PPP2R2C: variants seen among roughly 807,000 people sequenced by gnomAD.
The protein encoded by PPP2R2C is protein phosphatase 2, regulatory subunit B, gamma.
A neutral mutation model predicts 45.3 loss-of-function variants in PPP2R2C; 10 were observed. That is an observed-to-expected ratio of 0.22 (90% CI 0.14 to 0.37). The LOEUF is 0.37. Among genes scored for constraint, PPP2R2C ranks in the 10% least tolerant of loss-of-function variants. The pLI, the probability that PPP2R2C is intolerant of heterozygous loss-of-function variation, is 1.00. For synonymous variants in PPP2R2C, 257 were observed against 245.4 expected (o/e 1.05, Z -0.44); for missense variants, 308 against 619.7 (o/e 0.50, Z 5.34).
At chr4:6,501,545 A>G (rs556257132) in intron 2 of PPP2R2C, among the ~76,000 whole-genome samples, 1 of 152,356 alleles carries the variant, frequency 6.6e-6, no homozygotes, top group Admixed American at 6.5e-5. Context: ...AGGTTGATGC[A>G]CATTAGCACC....
chr4:6,452,910 C>T (rs1417059897), intron 1 of PPP2R2C, among the ~76,000 whole-genome samples: 1 of 152,226 alleles, frequency 6.6e-6, no homozygotes, highest in African/African-American at 2.4e-5. Context: ...CTACTGCCTA[C>T]TGTCTAGAAG....
intron 2 of PPP2R2C, among the ~76,000 whole-genome samples, chr4:6,488,511 C>G (rs1051752202): frequency 6.6e-6 from 1 of 151,936 alleles, no homozygotes; most frequent in Non-Finnish European, 1.5e-5. Flanking sequence ...TAGTGAGAAC[C>G]TGTCTCTACA....
intron 5 of PPP2R2C, chr4:6,350,460 GAC>G: frequency 1.0e-6 from 1 of 985,462 alleles, no homozygotes; most frequent in Non-Finnish European, 1.2e-6. Context: ...CACACCCTGA[GAC>G]ACACAAAAGC....
intron 1 of PPP2R2C, among the ~76,000 whole-genome samples, chr4:6,557,221 T>A (rs1219707818): frequency 6.6e-6 from 1 of 152,112 alleles, no homozygotes; most frequent in Non-Finnish European, 1.5e-5. Context: ...GACATTAGAA[T>A]CTGGGAAGAA....
Position 6,321,136 on chromosome 4 carries a change from C to G in PPP2R2C, c.*2166G>C, listed in dbSNP as rs1731527706. 6.6e-6 allele frequency: 1 copy of G among 152,138 alleles called. No individual in the cohort carries two copies. The highest frequency in any genetic ancestry group is 2.4e-5 in the African/African-American group (1 of 41,438). 9.4% of individuals were successfully genotyped at this position (152,138 alleles called of 1,614,324 possible). A position where few individuals can be genotyped will look rare whatever the true frequency, so the allele number is the denominator to read the frequency against. On this transcript the variant is annotated 3_prime_UTR_variant, in exon 9 of 9. Coordinates refer to ENST00000382599, the MANE Select transcript of PPP2R2C (RefSeq NM_020416.4). ...AAGGAACTAGGAACTGTATTAAGAC[C>G]TCCTTTTGAAGGACATGTAAGATTT... is the stretch of plus-strand genomic sequence containing the variant.
chr4:6,373,889 G>A (rs1715078386), intron 4 of PPP2R2C, among the ~76,000 whole-genome samples: 1 of 145,640 alleles, frequency 6.9e-6, no homozygotes, highest in African/African-American at 2.6e-5. Context: ...GAGTATACGT[G>A]TATGTGCATG....
At chr4:6,361,492 G>A (rs1277265303) in intron 5 of PPP2R2C, among the ~76,000 whole-genome samples, 5 of 152,232 alleles carry the variant, frequency 3.3e-5, no homozygotes, top group Non-Finnish European at 7.3e-5. Context: ...TCTGTAGAAT[G>A]GGTTGATAAC....
chr4:6,398,968 C>T (rs192021929), intron 1 of PPP2R2C, among the ~76,000 whole-genome samples: 1 of 152,194 alleles, frequency 6.6e-6, no homozygotes, highest in African/African-American at 2.4e-5. Context: ...AATACCCACA[C>T]TGAGTGAAAG....
At position 6,511,513 on chromosome 4, in the gene PPP2R2C, G is replaced by A. The variant is rs1267514303; in HGVS notation, c.49+23758C>T. 2.7e-3 allele frequency among the ~76,000 whole-genome samples: 77 copies of A among 28,018 alleles called. 5 individuals are homozygous for A. Among genetic ancestry groups the A allele is most frequent in the African/African-American group, 5.4e-3 (53 of 9,802 alleles). The allele number at this position is 28,018 out of a possible 152,430, so 18.4% of individuals were successfully genotyped here. A position where few individuals can be genotyped will look rare whatever the true frequency, so the allele number is the denominator to read the frequency against. ...GGTGGTGATGGCGGTGATGGTGGTGGTGGTGGTGGTGATGGTGGTGGTGGT... is the reference window on the plus strand; with the variant it reads ...GGTGGTGATGGCGGTGATGGTGGTGATGGTGGTGGTGATGGTGGTGGTGGT... On this transcript the variant is annotated intron_variant, in intron 2 of 9. Coordinates refer to the PPP2R2C transcript ENST00000506140.
intron 1 of PPP2R2C, among the ~76,000 whole-genome samples, chr4:6,456,760 G>T (rs1275713754): frequency 6.6e-6 from 1 of 152,222 alleles, no homozygotes; most frequent in African/African-American, 2.4e-5. Flanking sequence ...TTCTTGAGCT[G>T]CCGCCTTTAA....
intron 2 of PPP2R2C, among the ~76,000 whole-genome samples, chr4:6,499,615 T>C (rs1392473740): frequency 6.6e-6 from 1 of 152,110 alleles, no homozygotes; most frequent in Non-Finnish European, 1.5e-5. Context: ...GCCTAATGGG[T>C]CATCTAGGGT....
Position 6,555,978 on chromosome 4 carries a change from T to C in PPP2R2C, c.-59+7582A>G, listed in dbSNP as rs375482601. 4.6e-5 allele frequency among the ~76,000 whole-genome samples: 7 copies of C among 152,148 alleles called. No individual in the cohort carries two copies. The South Asian group carries it at 1.4e-3, about 32-fold the overall frequency. On this transcript the variant is annotated intron_variant, in intron 1 of 9. Transcript: ENST00000506140. Reference sequence around the variant, plus strand: ...GTTTCCCCATCTCTGCCCTATTTTGTGTGTGAGCCCAAGAGTGAGCCCTGG... The same window carrying C: ...GTTTCCCCATCTCTGCCCTATTTTGCGTGTGAGCCCAAGAGTGAGCCCTGG...
intron 2 of PPP2R2C, among the ~76,000 whole-genome samples, chr4:6,533,363 C>T (rs1483775070): frequency 6.6e-6 from 1 of 152,154 alleles, no homozygotes; most frequent in East Asian, 1.9e-4. Flanking sequence ...TAAAATGAAA[C>T]AGCAAAGGTC....
At chr4:6,554,944 AAAGAAAG>A (rs1382951651) in intron 1 of PPP2R2C, among the ~76,000 whole-genome samples, 9 of 136,902 alleles carry the variant, frequency 6.6e-5, no homozygotes, top group African/African-American at 2.4e-4. Context: ...AGAAAGAAAG[AAAGAAAG>A]AAAGAAAGAA....
At chr4:6,479,743 T>TG (rs1722285578) in intron 2 of PPP2R2C, among the ~76,000 whole-genome samples, 1 of 152,106 alleles carries the variant, frequency 6.6e-6, no homozygotes, top group Non-Finnish European at 1.5e-5. Context: ...CTTTTTTTTT[T>TG]TGTATTTTAT....
chr4:6,519,609 A>G (rs1442286136), intron 2 of PPP2R2C, among the ~76,000 whole-genome samples: 1 of 152,220 alleles, frequency 6.6e-6, no homozygotes. Context: ...GTGGTGAGGC[A>G]TGTACATTCA....
chr4:6,378,363 T>G lies in PPP2R2C; in HGVS notation c.334+44A>C. On this transcript the variant is annotated intron_variant, in intron 3 of 8. Coordinates refer to ENST00000382599, the MANE Select transcript of PPP2R2C (RefSeq NM_020416.4). This position sits in a 1 kb window ranked among gnomAD's most constrained non-coding sequence, Gnocchi z 5.2. ...TACAAACCAGCATTTGGTAGAAACA[T>G]CTACGGCCTGTGCCCATGCAAGCGA... 6.2e-7 allele frequency: 1 copy of G among 1,613,222 alleles called. No homozygotes were observed. Among genetic ancestry groups the G allele is most frequent in the East Asian group, 2.2e-5 (1 of 44,868 alleles).
At chr4:6,464,905 AAGGAAGGG>A (rs1318822777) in intron 1 of PPP2R2C, among the ~76,000 whole-genome samples, 3 of 138,220 alleles carry the variant, frequency 2.2e-5, no homozygotes, top group Non-Finnish European at 4.7e-5. Context: ...AGAGAGAAGG[AAGGAAGGG>A]AGGAAGGGAG....
At chr4:6,371,358 T>C (rs540587878) in intron 5 of PPP2R2C, among the ~76,000 whole-genome samples, 8 of 152,336 alleles carry the variant, frequency 5.3e-5, no homozygotes, top group South Asian at 2.1e-4. Context: ...AAGCCATTTG[T>C]TACTCTCTTT....
Sources: gnomAD v4.1 joint callset for allele counts (sites outside exome capture counted in the v4.1 genomes callset) on GRCh38, gnomAD v4.1.1 for gene constraint, Gnocchi (gnomAD v3.1) non-coding constraint, MANE v1.5 for transcripts, NCBI Gene and HGNC (gene_info 2026-07-23, HGNC 2026-07-21) for gene names.